Variants in STK31 observed in about 807,000 individuals in gnomAD.
STK31 encodes the protein serine/threonine-protein kinase 31.
STK31 carries 89 observed loss-of-function variants against 129.7 expected under a neutral mutation model. The ratio of observed to expected loss-of-function variants is 0.69; its 90% CI spans 0.58 to 0.82. STK31 has a LOEUF of 0.82. STK31 is among the 40% of genes least tolerant of loss of function. The pLI is 0.00. For missense variants in STK31, 1,187 were observed against 1,176.4 expected (o/e 1.01, Z -0.13); for synonymous variants, 448 against 395.3 (o/e 1.13, Z -1.58).
chr7:23,771,015 A>G lies in STK31; in HGVS notation c.1724A>G (p.Asp575Gly), dbSNP rs1244353017. 1 of 1,610,492 alleles carries G rather than the reference A, an allele frequency of 6.2e-7. No homozygotes were observed. Among genetic ancestry groups the G allele is most frequent in the Non-Finnish European group, 8.5e-7 (1 of 1,178,548 alleles). Residue 575 changes from aspartate to glycine, a missense_variant, in exon 14 of 24, where the codon GAT becomes GGT. Physicochemically the swap from Asp to Gly is moderately conservative, Grantham distance 94. Transcript: ENST00000355870. ...ELEIALVDQG[D>G]ADKEIISNTY... Reference sequence around the variant, plus strand: ...TGTGATTTCATTTAGGATCAAGGTGATGCAGACAAGGAGATAATTTCAAAT... The same window carrying G: ...TGTGATTTCATTTAGGATCAAGGTGGTGCAGACAAGGAGATAATTTCAAAT...
intron 22 of STK31, among the ~76,000 whole-genome samples, chr7:23,808,836 T>C (rs1476274897): frequency 6.6e-6 from 1 of 151,868 alleles, no homozygotes; most frequent in East Asian, 1.9e-4. Flanking sequence ...GTTTTTCGTT[T>C]GGTGTGTGAC....
At chr7:23,800,737 TA>T (rs548859911) in intron 22 of STK31, among the ~76,000 whole-genome samples, 254 of 151,822 alleles carry the variant, frequency 1.7e-3, no homozygotes, top group Non-Finnish European at 2.9e-3. Flanking sequence ...TCCCAGAACT[TA>T]AAGTATATAA....
At chr7:23,713,744 GA>G (rs1786119576) in intron 3 of STK31, among the ~76,000 whole-genome samples, 2 of 151,976 alleles carry the variant, frequency 1.3e-5, no homozygotes, top group South Asian at 4.2e-4. Flanking sequence ...AATGTGCATG[GA>G]GCTGTCATCT....
chr7:23,769,716 C>G lies in STK31; in HGVS notation c.1673C>G (p.Thr558Ser). 6.2e-7 allele frequency: 1 copy of G among 1,610,144 alleles called. No individual in the cohort carries two copies. Among genetic ancestry groups the G allele is most frequent in the Non-Finnish European group, 8.5e-7 (1 of 1,177,830 alleles). Reference sequence around the variant, plus strand: ...AATATTGATGAAATCCTAGAGAAGACTGAGTCAAGTGTCTGCAAAGAGCTG... The same window carrying G: ...AATATTGATGAAATCCTAGAGAAGAGTGAGTCAAGTGTCTGCAAAGAGCTG... ...MDNIDEILEK[T>S]ESSVCKELEI... Residue 558 changes from threonine (T) to serine (S), a missense_variant, in exon 13 of 24, where the codon ACT (threonine) becomes AGT (serine). Coordinates refer to ENST00000355870, the MANE Select transcript of STK31 (RefSeq NM_031414.5).
At chr7:23,786,758 T>C in intron 19 of STK31, 80 bp from the exon 20 acceptor site, 2 of 1,540,312 alleles carry the variant, frequency 1.3e-6, no homozygotes, top group Non-Finnish European at 1.8e-6. Context: ...AAAGAAAAAT[T>C]ATCCCATAGA....
chr7:23,749,052 A>C (rs1788524660), intron 8 of STK31, among the ~76,000 whole-genome samples: 1 of 152,176 alleles, frequency 6.6e-6, no homozygotes, highest in South Asian at 2.1e-4. Context: ...CCTCTGATAG[A>C]GGGATGTTGA....
At chr7:23,732,275 G>A (rs1342688404) in intron 6 of STK31, among the ~76,000 whole-genome samples, 1 of 151,854 alleles carries the variant, frequency 6.6e-6, no homozygotes, top group African/African-American at 2.4e-5. Flanking sequence ...AAAAAAAAAA[G>A]ATAAAAGTTA....
intron 17 of STK31, 111 bp downstream of exon 17, chr7:23,783,774 C>T (rs930244951): frequency 3.8e-6 from 3 of 793,854 alleles, no homozygotes; most frequent in East Asian, 2.7e-5. Flanking sequence ...AAAAATACTC[C>T]TGATGAATAT....
intron 23 of STK31, among the ~76,000 whole-genome samples, chr7:23,821,906 G>T (rs1793805150): frequency 6.6e-6 from 1 of 152,060 alleles, no homozygotes; most frequent in Non-Finnish European, 1.5e-5. Context: ...TTATTGAAGT[G>T]GGTGTCTTTT....
chr7:23,773,607 G>T lies in STK31; in HGVS notation c.1965+1329G>T, dbSNP rs567097849. On this transcript the variant is annotated intron_variant, in intron 15 of 23. Coordinates refer to ENST00000355870, the MANE Select transcript of STK31 (RefSeq NM_031414.5). ...GGTATTTCTGGTTCTAGATCCTTCA[G>T]GAATTGCCACACTGTCTTCCACAAT... Among the ~76,000 whole-genome samples the T allele has an allele frequency of 2.0e-5, 3 of 152,190 alleles. No individual in the cohort carries two copies. The East Asian group carries it at 5.8e-4, about 29-fold the overall frequency.
chr7:23,801,554 TTTA>T (rs1349683837), intron 22 of STK31, among the ~76,000 whole-genome samples: 4 of 152,280 alleles, frequency 2.6e-5, no homozygotes, highest in African/African-American at 7.2e-5. Flanking sequence ...TGAAGTTTAA[TTTA>T]TTATTGTTTT....
At position 23,796,484 on chromosome 7, in the gene STK31, A is replaced by C. The variant is rs577129110; in HGVS notation, c.2760+5538A>C. Among the ~76,000 whole-genome samples, 4 of 151,736 alleles carry C rather than the reference A, an allele frequency of 2.6e-5. No individual in the cohort carries two copies. In the South Asian group the frequency reaches 8.3e-4, roughly 32 times the overall value. On this transcript the variant is annotated intron_variant, in intron 22 of 23. Coordinates refer to ENST00000355870, the MANE Select transcript of STK31 (RefSeq NM_031414.5). ...GAGTAAATATATTGTCTGATTTTCTACTCTTATGTATTGTTGATTAAGTCC... is the reference window on the plus strand; with the variant it reads ...GAGTAAATATATTGTCTGATTTTCTCCTCTTATGTATTGTTGATTAAGTCC...
chr7:23,762,687 C>A, intron 10 of STK31, 114 bp from the exon 11 acceptor site: 1 of 1,243,670 alleles, frequency 8.0e-7, no homozygotes, highest in Non-Finnish European at 1.1e-6. Flanking sequence ...GTCCTAAGTG[C>A]TATAATGTTT....
At chr7:23,731,695 A>G (rs986855128) in intron 6 of STK31, among the ~76,000 whole-genome samples, 1 of 152,176 alleles carries the variant, frequency 6.6e-6, no homozygotes, top group African/African-American at 2.4e-5. Context: ...TGATGCTCAG[A>G]ATGGTAGTTT....
intron 22 of STK31, among the ~76,000 whole-genome samples, chr7:23,812,294 G>T (rs1793185028): frequency 6.6e-6 from 1 of 151,458 alleles, no homozygotes; most frequent in Non-Finnish European, 1.5e-5. Context: ...AATTTCATAT[G>T]ATAAACGTTT....
chr7:23,712,413 T>G (rs955208157), intron 3 of STK31, 127 bp downstream of exon 3: 19 of 909,884 alleles, frequency 2.1e-5, no homozygotes, highest in Non-Finnish European at 2.9e-5. Context: ...TATTGAATTA[T>G]TTATCACCAG....
chr7:23,724,884 G>A (rs1219537778), intron 4 of STK31, among the ~76,000 whole-genome samples: 2 of 152,146 alleles, frequency 1.3e-5, no homozygotes, highest in East Asian at 1.9e-4. Flanking sequence ...TATTGTTTTG[G>A]TGAATAGGTT....
At chr7:23,718,037 A>G (rs1239753737) in intron 4 of STK31, among the ~76,000 whole-genome samples, 3 of 152,202 alleles carry the variant, frequency 2.0e-5, no homozygotes, top group East Asian at 1.9e-4. Context: ...GTTGCAGAAC[A>G]GTATGAATGT....
chr7:23,828,758 C>G (rs1174137285), intron 23 of STK31, among the ~76,000 whole-genome samples: 1 of 152,136 alleles, frequency 6.6e-6, no homozygotes, highest in Non-Finnish European at 1.5e-5. Context: ...TGTTCTTTTT[C>G]AATTTGGATT....
Sources: allele counts gnomAD v4.1 joint callset (sites outside exome capture counted in the v4.1 genomes callset), GRCh38; gene constraint gnomAD v4.1.1; transcripts MANE v1.5; gene names NCBI Gene and HGNC (gene_info 2026-07-23, HGNC 2026-07-21).